ME3: variants seen among roughly 807,000 people sequenced by gnomAD.
ME3 encodes malic enzyme 3.
A neutral mutation model predicts 68.9 loss-of-function variants in ME3; 48 were observed. The observed-to-expected ratio is 0.70, with a 90% CI of 0.55 to 0.89. ME3 has a LOEUF of 0.89. ME3 is among the 40% of genes least tolerant of loss of function. The pLI is 0.00. For missense variants in ME3, 675 were observed against 797.4 expected, an observed-to-expected ratio of 0.85 and a Z score of 1.85; for synonymous variants, 320 against 318.8, an observed-to-expected ratio of 1.00 and a Z score of -0.04.
intron 6 of ME3, among the ~76,000 whole-genome samples, chr11:86,492,595 A>G (rs989766668): frequency 1.3e-5 from 2 of 152,234 alleles, no homozygotes; most frequent in Non-Finnish European, 2.9e-5. Flanking sequence ...ATAGTTACTA[A>G]GTCCCCTTTG....
chr11:86,437,603 T>G (rs374849773), downstream of ME3, among the ~76,000 whole-genome samples: 296 of 152,268 alleles, frequency 1.9e-3, no homozygotes, highest in African/African-American at 6.4e-3. Flanking sequence ...GAACAAAGAA[T>G]CTCTCTCAAT....
chr11:86,555,529 G>A (rs1229537015), intron 4 of ME3, among the ~76,000 whole-genome samples: 1 of 152,190 alleles, frequency 6.6e-6, no homozygotes, highest in Non-Finnish European at 1.5e-5. Flanking sequence ...TGTTCTGAGT[G>A]ATGAGGATGT....
At chr11:86,496,568 G>T (rs1256964698) in intron 6 of ME3, among the ~76,000 whole-genome samples, 5 of 152,108 alleles carry the variant, frequency 3.3e-5, no homozygotes, top group Non-Finnish European at 7.4e-5. Flanking sequence ...TTTACAAAAT[G>T]ACCATTCCTT....
chr11:86,656,491 C>T (rs1018591554), intron 2 of ME3, among the ~76,000 whole-genome samples: 26 of 150,928 alleles, frequency 1.7e-4, no homozygotes, highest in Admixed American at 1.0e-3. Context: ...AGCAAACCAT[C>T]GCAAGGACAA....
chr11:86,647,015 A>C (rs143960772), intron 2 of ME3, among the ~76,000 whole-genome samples: 3,020 of 152,330 alleles, frequency 0.02, 97 homozygotes, highest in African/African-American at 0.063. Context: ...GGATTTTGTC[A>C]CTACCAGGCC....
At chr11:86,577,542 A>C (rs1945143) in intron 2 of ME3, among the ~76,000 whole-genome samples, 25,854 of 152,130 alleles carry the variant, frequency 0.17, 2,997 homozygotes, top group East Asian at 0.57. Flanking sequence ...CTAAAACCTC[A>C]CTTGGCACAG....
At chr11:86,537,938 G>A (rs1033056028) in intron 4 of ME3, among the ~76,000 whole-genome samples, 1 of 152,206 alleles carries the variant, frequency 6.6e-6, no homozygotes, top group South Asian at 2.1e-4. Flanking sequence ...CTCTGCCTGT[G>A]CAGGTCTGAA....
intron 4 of ME3, among the ~76,000 whole-genome samples, chr11:86,551,969 G>C (rs530588896): frequency 9.9e-5 from 15 of 152,210 alleles, no homozygotes; most frequent in Non-Finnish European, 1.8e-4. Context: ...AAGTACAGAT[G>C]ATTTCAGGTC....
intron 4 of ME3, among the ~76,000 whole-genome samples, chr11:86,532,325 A>G (rs960545780): frequency 7.0e-6 from 1 of 142,364 alleles, no homozygotes; most frequent in African/African-American, 2.6e-5. Context: ...TCAGACAGAA[A>G]ATAAATAACA....
chr11:86,644,527 T>C (rs911076323), intron 2 of ME3, among the ~76,000 whole-genome samples: 2 of 152,118 alleles, frequency 1.3e-5, no homozygotes, highest in African/African-American at 4.8e-5. Context: ...AGACTGCCTA[T>C]TGTCAGCTCC....
Position 86,644,881 on chromosome 11 carries a change from G to C in ME3, c.183+26881C>G, listed in dbSNP as rs187619337. 4.6e-3 allele frequency among the ~76,000 whole-genome samples: 706 copies of C among 152,258 alleles called. 2 individuals carry two copies. Among genetic ancestry groups the C allele is most frequent in the Admixed American group, 9.0e-3 (138 of 15,288 alleles). On this transcript the variant is annotated intron_variant, in intron 2 of 14. Coordinates refer to ENST00000543262, the Ensembl canonical transcript of ME3. ...GTACCTGGCTCATCTCACTGGGACT[G>C]GTTAGACAGTGGGTGCAGCCCATAG...
intron 6 of ME3, among the ~76,000 whole-genome samples, chr11:86,490,933 A>G (rs585527): frequency 0.85 from 128,898 of 152,146 alleles, 54,796 homozygotes; most frequent in Non-Finnish European, 0.88. Context: ...AAAATTTCTC[A>G]GTATACTGCA....
rs60084852 is a variant in ME3 at position 86,609,667 on chromosome 11, C to T, written c.184-49844G>A. ...AAGAATATATATCAGCAATGCTGCA[C>T]TCTTAAGCCAGAAAACTTGCCCATG... is the stretch of plus-strand genomic sequence containing the variant. On this transcript the variant is annotated intron_variant, in intron 2 of 14. Transcript: ENST00000543262. Among the ~76,000 whole-genome samples, 1,185 of 152,290 alleles carry T rather than the reference C, an allele frequency of 7.8e-3. 17 individuals are homozygous for T. Among genetic ancestry groups the T allele is most frequent in the African/African-American group, 0.027 (1,139 of 41,550 alleles).
chr11:86,615,286 G>A (rs1056738668), intron 2 of ME3, among the ~76,000 whole-genome samples: 3 of 152,126 alleles, frequency 2.0e-5, no homozygotes, highest in Admixed American at 2.0e-4. Flanking sequence ...AAATCATCTA[G>A]TACAGGATTC....
At chr11:86,670,798 C>T (rs1276809972) in intron 2 of ME3, among the ~76,000 whole-genome samples, 1 of 152,180 alleles carries the variant, frequency 6.6e-6, no homozygotes, top group Non-Finnish European at 1.5e-5. Context: ...TTATTCAGCA[C>T]TTTATACAGT....
Position 86,482,675 on chromosome 11 carries a change from C to A in ME3, c.809+4662G>T, listed in dbSNP as rs1006986598. Reference sequence around the variant, plus strand: ...AGGTCTCATCCTTAAGAAGGCCTGGCAGCTTCCACTCTTGTGTTCTTAGGA... The same window carrying A: ...AGGTCTCATCCTTAAGAAGGCCTGGAAGCTTCCACTCTTGTGTTCTTAGGA... On this transcript the variant is annotated intron_variant, in intron 7 of 14. Transcript: ENST00000543262. Among the ~76,000 whole-genome samples, 7 of 151,540 alleles carry A rather than the reference C, an allele frequency of 4.6e-5. No individual in the cohort carries two copies. In the East Asian group the frequency reaches 5.8e-4, roughly 13 times the overall value.
At chr11:86,518,589 T>C (rs1007047888) in intron 4 of ME3, among the ~76,000 whole-genome samples, 9 of 152,240 alleles carry the variant, frequency 5.9e-5, no homozygotes, top group African/African-American at 1.9e-4. Flanking sequence ...TCCATGTATA[T>C]GTAAAACTAA....
At chr11:86,573,935 A>G (rs1196773280) in intron 2 of ME3, among the ~76,000 whole-genome samples, 5 of 152,174 alleles carry the variant, frequency 3.3e-5, no homozygotes, top group Non-Finnish European at 7.3e-5. Flanking sequence ...TGTTGCGTTT[A>G]TTGATTTATG....
chr11:86,589,508 G>A (rs1264982425), intron 2 of ME3, among the ~76,000 whole-genome samples: 2 of 152,210 alleles, frequency 1.3e-5, no homozygotes, highest in African/African-American at 4.8e-5. Flanking sequence ...GTCAAGTGGG[G>A]AGTGGGAAAA....
Sources: allele counts gnomAD v4.1 joint callset (sites outside exome capture counted in the v4.1 genomes callset), GRCh38; gene constraint gnomAD v4.1.1; transcripts MANE v1.5; gene names NCBI Gene and HGNC (gene_info 2026-07-23, HGNC 2026-07-21).